RALY: variants seen among roughly 807,000 people sequenced by gnomAD.
RALY encodes the protein RNA-binding protein Raly.
Under a neutral mutation model 30.7 loss-of-function variants are expected in RALY, and 15 were observed. The ratio of observed to expected loss-of-function variants is 0.49; its 90% CI spans 0.33 to 0.75. The LOEUF (loss-of-function observed/expected upper bound fraction) is 0.75, where lower values mean the gene tolerates loss of function less well. Ranked by LOEUF, RALY falls within the 30% of genes least tolerant of loss-of-function variation. The pLI, the probability that RALY is intolerant of heterozygous loss-of-function variation, is 0.02. For synonymous variants in RALY, 177 were observed against 170.8 expected, an observed-to-expected ratio of 1.04 and a Z score of -0.28; for missense variants, 339 against 414.3, an observed-to-expected ratio of 0.82 and a Z score of 1.58.
chr20:34,006,229 T>C (rs926613493), intron 1 of RALY, among the ~76,000 whole-genome samples: 2 of 152,230 alleles, frequency 1.3e-5, no homozygotes, highest in African/African-American at 2.4e-5. Flanking sequence ...TAGCAATTCA[T>C]TGTCAGTCTT....
intron 2 of RALY, among the ~76,000 whole-genome samples, chr20:34,058,660 G>C (rs1014345982): frequency 6.6e-6 from 1 of 152,038 alleles, no homozygotes; most frequent in Non-Finnish European, 1.5e-5. Flanking sequence ...TCTGCACTAG[G>C]GTTTGCCTAA....
chr20:34,073,221 A>G (rs532709860), intron 3 of RALY, among the ~76,000 whole-genome samples: 37 of 151,726 alleles, frequency 2.4e-4, no homozygotes, highest in African/African-American at 8.9e-4. Context: ...ATGCGTTCCC[A>G]TGTACCTGAT....
chr20:34,007,703 T>A (rs1029753100), intron 1 of RALY, among the ~76,000 whole-genome samples: 2 of 146,522 alleles, frequency 1.4e-5, no homozygotes, highest in Non-Finnish European at 3.0e-5. Context: ...GCCTATAATC[T>A]CAGCTACTTG....
intron 2 of RALY, among the ~76,000 whole-genome samples, chr20:34,032,488 G>A (rs1302862963): frequency 7.0e-6 from 1 of 142,908 alleles, no homozygotes; most frequent in South Asian, 2.4e-4. Context: ...TCTCAATCTA[G>A]ACAAAATCCC....
intron 1 of RALY, among the ~76,000 whole-genome samples, chr20:34,024,223 A>G (rs2031934902): frequency 6.6e-6 from 1 of 152,202 alleles, no homozygotes; most frequent in Non-Finnish European, 1.5e-5. Flanking sequence ...AGTTGCACAG[A>G]GCAGTGTCTG....
chr20:34,016,066 C>T (rs898999216), intron 1 of RALY, among the ~76,000 whole-genome samples: 3 of 152,168 alleles, frequency 2.0e-5, no homozygotes, highest in African/African-American at 7.2e-5. Flanking sequence ...TGTTCACTCC[C>T]TTACATCTGC....
intron 2 of RALY, among the ~76,000 whole-genome samples, chr20:34,035,860 T>C (rs150309600): frequency 9.8e-5 from 15 of 152,290 alleles, no homozygotes; most frequent in African/African-American, 2.9e-4. Flanking sequence ...AAAGAAGGCC[T>C]CTCAGAAAAT....
At chr20:34,053,508 C>CCA (rs2033148201) in intron 2 of RALY, among the ~76,000 whole-genome samples, 1 of 150,102 alleles carries the variant, frequency 6.7e-6, no homozygotes, top group Admixed American at 6.7e-5. Flanking sequence ...AGCAGTCCTC[C>CCA]CACCTCAGCC....
At chr20:34,053,628 C>G (rs912306653) in intron 2 of RALY, among the ~76,000 whole-genome samples, 1 of 152,062 alleles carries the variant, frequency 6.6e-6, no homozygotes, top group Non-Finnish European at 1.5e-5. Context: ...AACTCCTGAG[C>G]TCAAGCAGTC....
chr20:34,032,818 TA>T (rs1178540905), intron 2 of RALY, among the ~76,000 whole-genome samples: 3 of 152,144 alleles, frequency 2.0e-5, no homozygotes, highest in Admixed American at 6.5e-5. Flanking sequence ...CTTGGGCTGT[TA>T]ATCTCCCTCT....
In RALY at chr20:34,082,961, C is replaced by T. The variant is rs2034053300; in HGVS notation, c.*3056C>T. The T allele has an allele frequency of 6.6e-6, 1 of 152,214 alleles. No individual in the cohort carries two copies. The highest frequency in any genetic ancestry group is 1.5e-5 in the Non-Finnish European group (1 of 68,052). 9.4% of individuals were successfully genotyped at this position (152,214 alleles called of 1,614,324 possible). ...AAGAATAGAGCAGCCAGTGGGTATA[C>T]TGGATTGTGAGCTAAGAGGCCTGGG... On this transcript the variant is annotated 3_prime_UTR_variant, in exon 10 of 10. Coordinates refer to ENST00000246194, the MANE Select transcript of RALY (RefSeq NM_016732.3).
At position 34,006,340 on chromosome 20, in the gene RALY, A is replaced by C. The variant is rs1329376264; in HGVS notation, c.-93+12209A>C. Among the ~76,000 whole-genome samples, 3 of 152,234 alleles carry C rather than the reference A, an allele frequency of 2.0e-5. No homozygotes were observed. The East Asian group carries it at 5.8e-4, about 29-fold the overall frequency. ...AAATATTTCACAGTGTGTCTCTAAA[A>C]GATGACTTCTAAAAACAATTATAAT... On this transcript the variant is annotated intron_variant, in intron 1 of 9. Transcript: ENST00000246194.
intron 2 of RALY, among the ~76,000 whole-genome samples, chr20:34,036,528 G>A (rs2032502295): frequency 6.6e-6 from 1 of 152,104 alleles, no homozygotes; most frequent in South Asian, 2.1e-4. Flanking sequence ...ATCTGCTTTT[G>A]GCATTAGGGT....
chr20:34,056,488 AG>A (rs543471943), intron 2 of RALY, among the ~76,000 whole-genome samples: 72 of 152,276 alleles, frequency 4.7e-4, no homozygotes, highest in African/African-American at 1.6e-3. Context: ...AAATTCTTCC[AG>A]GGGGGAGATT....
rs1214412367 is a variant in RALY, at chr20:34,067,603, T to A, written c.-9-4463T>A. ...AGGCTTGTTTTTTGTTGAATTTGTT[T>A]TTGCCACATTTCTTCTACTCTTACT... On this transcript the variant is annotated intron_variant, in intron 2 of 9. Transcript: ENST00000246194. 3.3e-5 allele frequency among the ~76,000 whole-genome samples: 5 copies of A among 152,198 alleles called. No homozygotes were observed. The East Asian group carries it at 7.7e-4, about 23-fold the overall frequency.
intron 7 of RALY, 22 bp from the exon 8 acceptor site, chr20:34,077,003 CCCT>C (rs746431644): frequency 6.2e-7 from 1 of 1,610,162 alleles, no homozygotes; most frequent in Non-Finnish European, 8.5e-7. Flanking sequence ...TTTTATTCTC[CCCT>C]CCTCCACCCC....
intron 1 of RALY, among the ~76,000 whole-genome samples, chr20:34,009,554 A>G (rs926068670): frequency 6.6e-6 from 1 of 152,052 alleles, no homozygotes; most frequent in Non-Finnish European, 1.5e-5. Flanking sequence ...GGGTTGTTAT[A>G]TTGTGACTCC....
chr20:34,030,598 GAGTT>G (rs1199536428), intron 1 of RALY, among the ~76,000 whole-genome samples: 2 of 152,248 alleles, frequency 1.3e-5, no homozygotes, highest in African/African-American at 4.8e-5. Context: ...AAGTGAGACA[GAGTT>G]AGAGTTGTCC....
intron 2 of RALY, among the ~76,000 whole-genome samples, chr20:34,045,351 C>T (rs2032844066): frequency 6.6e-6 from 1 of 152,140 alleles, no homozygotes; most frequent in Non-Finnish European, 1.5e-5. Context: ...GGAGGAAGAT[C>T]ATTACCAGCT....
Sources: allele counts gnomAD v4.1 joint callset (sites outside exome capture counted in the v4.1 genomes callset), GRCh38; gene constraint gnomAD v4.1.1; transcripts MANE v1.5; gene names NCBI Gene and HGNC (gene_info 2026-07-23, HGNC 2026-07-21).